Variants in PLCB1 observed in about 807,000 individuals in gnomAD.
The protein encoded by PLCB1 is 1-phosphatidylinositol 4,5-bisphosphate phosphodiesterase beta-1.
In PLCB1, 46 loss-of-function variants were observed where a neutral mutation model predicts 161.8. That is an observed-to-expected ratio of 0.28 (90% CI 0.22 to 0.36). The LOEUF is 0.36. Among genes scored for constraint, PLCB1 ranks in the 10% least tolerant of loss-of-function variants. PLCB1 has a pLI of 1.00. For synonymous variants in PLCB1, 517 were observed against 503.7 expected, an observed-to-expected ratio of 1.03 and a Z score of -0.35; for missense variants, 1,016 against 1,472.5, an observed-to-expected ratio of 0.69 and a Z score of 5.07.
At chr20:8,294,607 C>T (rs1983543107) in intron 2 of PLCB1, among the ~76,000 whole-genome samples, 1 of 150,342 alleles carries the variant, frequency 6.7e-6, no homozygotes. Flanking sequence ...GGTAAGATGA[C>T]CCTGGACTAA....
Position 8,756,882 on chromosome 20 carries a change from C to T in PLCB1, c.2524-164C>T, listed in dbSNP as rs78793206. Among the ~76,000 whole-genome samples the T allele has an allele frequency of 6.8e-3, 1,040 of 152,202 alleles. 10 individuals carry two copies. The highest frequency in any genetic ancestry group is 0.024 in the African/African-American group (1,013 of 41,528). On this transcript the variant is annotated intron_variant, in intron 23 of 31. Coordinates refer to ENST00000338037, the MANE Select transcript of PLCB1 (RefSeq NM_015192.4). ...CAATTAACCTCCCATAGTCATGGCTCAACACTATGCTGTTTTAACCCTGCT... is the reference window on the plus strand; with the variant it reads ...CAATTAACCTCCCATAGTCATGGCTTAACACTATGCTGTTTTAACCCTGCT...
In PLCB1 at chr20:8,492,893, A is replaced by T. The variant is rs557991065; in HGVS notation, c.246+121443A>T. On this transcript the variant is annotated intron_variant, in intron 3 of 31. Transcript: ENST00000338037. ...GTGTGTGCATTTTTAATGTATGTTCATTTTTTTCTGTTGATTTTTTAAATT... is the reference window on the plus strand; with the variant it reads ...GTGTGTGCATTTTTAATGTATGTTCTTTTTTTTCTGTTGATTTTTTAAATT... 1.9e-3 allele frequency among the ~76,000 whole-genome samples: 289 copies of T among 149,346 alleles called. 1 individual carries two copies. The highest frequency in any genetic ancestry group is 6.9e-3 in the African/African-American group (279 of 40,440).
intron 2 of PLCB1, among the ~76,000 whole-genome samples, chr20:8,225,840 G>C (rs1979652430): frequency 6.6e-6 from 1 of 152,208 alleles, no homozygotes; most frequent in African/African-American, 2.4e-5. Flanking sequence ...TTAGGTGTTT[G>C]TTTAAATGAT....
chr20:8,673,713 G>T (rs1388547819), intron 9 of PLCB1, among the ~76,000 whole-genome samples: 2 of 152,108 alleles, frequency 1.3e-5, no homozygotes, highest in Non-Finnish European at 2.9e-5. Context: ...GAGATATCTG[G>T]TTGCCAAGAT....
chr20:8,527,639 G>C (rs1984635729), intron 3 of PLCB1, among the ~76,000 whole-genome samples: 1 of 152,016 alleles, frequency 6.6e-6, no homozygotes. Context: ...AGTACAGTCT[G>C]GAAGAAGCAG....
At chr20:8,807,065 G>A (rs556768328) in intron 31 of PLCB1, among the ~76,000 whole-genome samples, 2 of 152,244 alleles carry the variant, frequency 1.3e-5, no homozygotes, top group South Asian at 2.1e-4. Context: ...CTTTAAATGC[G>A]GAGACAAAGA....
intron 3 of PLCB1, among the ~76,000 whole-genome samples, chr20:8,499,089 G>A (rs1040436996): frequency 1.3e-5 from 2 of 152,174 alleles, no homozygotes; most frequent in African/African-American, 4.8e-5. Flanking sequence ...ATATTACTGA[G>A]CTTTTCAGAG....
intron 3 of PLCB1, among the ~76,000 whole-genome samples, chr20:8,439,565 A>G (rs1980462618): frequency 6.6e-6 from 1 of 152,204 alleles, no homozygotes; most frequent in Non-Finnish European, 1.5e-5. Flanking sequence ...CTAAACAAGC[A>G]TTTATCGCTC....
chr20:8,629,875 T>C (rs8114360), intron 4 of PLCB1, among the ~76,000 whole-genome samples: 76 of 83,508 alleles, frequency 9.1e-4, no homozygotes, highest in Non-Finnish European at 1.3e-3. Flanking sequence ...CTTTCTTTCT[T>C]TCTCTCTCTC....
chr20:8,422,992 G>A (rs1292397750), intron 3 of PLCB1, among the ~76,000 whole-genome samples: 1 of 152,132 alleles, frequency 6.6e-6, no homozygotes, highest in African/African-American at 2.4e-5. Flanking sequence ...GAAGAACTTA[G>A]TATAGTTCTG....
At chr20:8,614,232 A>C (rs998914795) in intron 3 of PLCB1, among the ~76,000 whole-genome samples, 6 of 152,128 alleles carry the variant, frequency 3.9e-5, no homozygotes, top group Non-Finnish European at 1.5e-5. Context: ...TGGTGATCTC[A>C]CATGCTGTAG....
intron 26 of PLCB1, among the ~76,000 whole-genome samples, chr20:8,765,901 A>G (rs575109424): frequency 2.6e-4 from 39 of 151,532 alleles, no homozygotes; most frequent in African/African-American, 9.2e-4. Flanking sequence ...CTGGTCTTGA[A>G]CTCCTGGCCT....
At chr20:8,330,393 T>C (rs1314934618) in intron 2 of PLCB1, among the ~76,000 whole-genome samples, 1 of 152,174 alleles carries the variant, frequency 6.6e-6, no homozygotes, top group Admixed American at 6.5e-5. Context: ...ATATAAACAC[T>C]CAAGAAGCTG....
At chr20:8,541,604 G>GAAAGAAAGAAAT (rs1555769075) in intron 3 of PLCB1, among the ~76,000 whole-genome samples, 3 of 149,474 alleles carry the variant, frequency 2.0e-5, no homozygotes, top group Non-Finnish European at 3.0e-5. Flanking sequence ...AAGAAAGAAA[G>GAAAGAAAGAAAT]AAAGGAAGGA....
At position 8,371,829 on chromosome 20, in the gene PLCB1, C is replaced by G. The variant is rs148035391; in HGVS notation, c.246+379C>G. ...CATGATGAATAGAACTCCCATATAG[C>G]TGAAATGCTCTGCAATTGAAATGAT... On this transcript the variant is annotated intron_variant, in intron 3 of 31. Coordinates refer to ENST00000338037, the MANE Select transcript of PLCB1 (RefSeq NM_015192.4). 829 of 166,732 alleles carry G rather than the reference C, an allele frequency of 5.0e-3. 10 individuals carry two copies. The highest frequency in any genetic ancestry group is 0.019 in the African/African-American group (778 of 42,020). 10.3% of individuals were successfully genotyped at this position (166,732 alleles called of 1,614,324 possible).
At chr20:8,730,909 A>G (rs1016294466) in intron 18 of PLCB1, among the ~76,000 whole-genome samples, 2 of 151,730 alleles carry the variant, frequency 1.3e-5, no homozygotes, top group African/African-American at 4.8e-5. Context: ...GTATTTTACA[A>G]ATGATCATCT....
At chr20:8,428,976 A>T (rs541477093) in intron 3 of PLCB1, among the ~76,000 whole-genome samples, 2 of 152,342 alleles carry the variant, frequency 1.3e-5, no homozygotes, top group South Asian at 2.1e-4. Context: ...TTCAGGTGCC[A>T]TTGGAGGTTT....
chr20:8,512,176 G>A (rs780366487), intron 3 of PLCB1, among the ~76,000 whole-genome samples: 61 of 152,040 alleles, frequency 4.0e-4, no homozygotes, highest in African/African-American at 5.8e-4. Flanking sequence ...AGTTTTATTC[G>A]TAAATCTATA....
intron 2 of PLCB1, among the ~76,000 whole-genome samples, chr20:8,284,076 G>T (rs1313868649): frequency 6.6e-6 from 1 of 151,600 alleles, no homozygotes; most frequent in Non-Finnish European, 1.5e-5. Context: ...TATCTAGTAA[G>T]CAATCAATAA....
Sources: allele counts gnomAD v4.1 joint callset (sites outside exome capture counted in the v4.1 genomes callset), GRCh38; gene constraint gnomAD v4.1.1; transcripts MANE v1.5; gene names NCBI Gene and HGNC (gene_info 2026-07-23, HGNC 2026-07-21).